The following TACR1 variants were observed in gnomAD, a reference collection of about 807,000 sequenced individuals.
The protein encoded by TACR1 is tachykinin receptor 1.
Under a neutral mutation model 35.8 loss-of-function variants are expected in TACR1, and 25 were observed. That is an observed-to-expected ratio of 0.70 (90% CI 0.51 to 0.98). The LOEUF is 0.98. Among genes scored for constraint, TACR1 ranks in the 50% least tolerant of loss-of-function variants. The pLI, the probability that TACR1 is intolerant of heterozygous loss-of-function variation, is 0.00. For synonymous variants in TACR1, 195 were observed against 206.7 expected, an observed-to-expected ratio of 0.94 and a Z score of 0.48; for missense variants, 478 against 522.9, an observed-to-expected ratio of 0.91 and a Z score of 0.84.
At chr2:75,168,775 A>G (rs1340451831) in intron 1 of TACR1, among the ~76,000 whole-genome samples, 1 of 152,224 alleles carries the variant, frequency 6.6e-6, no homozygotes, top group African/African-American at 2.4e-5. Flanking sequence ...TTAAGAACCT[A>G]TTTAGTTACA....
intron 1 of TACR1, among the ~76,000 whole-genome samples, chr2:75,122,992 G>C (rs1300203468): frequency 6.6e-6 from 1 of 152,096 alleles, no homozygotes. Flanking sequence ...CATGGGGTGC[G>C]GTGGGTGGGG....
intron 2 of TACR1, among the ~76,000 whole-genome samples, chr2:75,081,079 G>A (rs1228838490): frequency 6.6e-6 from 1 of 152,160 alleles, no homozygotes; most frequent in Non-Finnish European, 1.5e-5. Flanking sequence ...AAATGGGCAT[G>A]CCAATCAATG....
chr2:75,094,935 A>G (rs924344950), intron 2 of TACR1, among the ~76,000 whole-genome samples: 16 of 150,326 alleles, frequency 1.1e-4, no homozygotes, highest in Admixed American at 8.6e-4. Context: ...AGCAATGATG[A>G]GGAATTCACT....
At chr2:75,068,709 C>T (rs1672817134) in intron 2 of TACR1, among the ~76,000 whole-genome samples, 1 of 152,160 alleles carries the variant, frequency 6.6e-6, no homozygotes, top group Admixed American at 6.5e-5. Flanking sequence ...TTACAGACTT[C>T]CCTTAGCATA....
chr2:75,100,492 T>A (rs2103870779), intron 2 of TACR1, among the ~76,000 whole-genome samples: 1 of 152,342 alleles, frequency 6.6e-6, no homozygotes, highest in East Asian at 1.9e-4. Context: ...GACTAACTCA[T>A]ATCTAACCTC....
At chr2:75,069,256 A>G (rs886758975) in intron 2 of TACR1, among the ~76,000 whole-genome samples, 3 of 152,134 alleles carry the variant, frequency 2.0e-5, no homozygotes, top group African/African-American at 7.2e-5. Flanking sequence ...AGTCTTGGGT[A>G]TGTCTTTATT....
chr2:75,099,222 T>C (rs1346876771), intron 2 of TACR1, among the ~76,000 whole-genome samples: 2 of 152,190 alleles, frequency 1.3e-5, no homozygotes, highest in African/African-American at 4.8e-5. Flanking sequence ...CCCAGCACTC[T>C]GGCATCTCAG....
chr2:75,174,863 A>G (rs185777850), intron 1 of TACR1, among the ~76,000 whole-genome samples: 164 of 152,304 alleles, frequency 1.1e-3, no homozygotes, highest in Non-Finnish European at 2.1e-3. Flanking sequence ...GATGACTTCT[A>G]TTACCAAAGA....
chr2:75,125,252 C>T lies in TACR1; in HGVS notation c.390-4484G>A, dbSNP rs1198414946. Among the ~76,000 whole-genome samples, 3 of 151,794 alleles carry T rather than the reference C, an allele frequency of 2.0e-5. No homozygotes were observed. In the South Asian group the frequency reaches 6.2e-4, roughly 32 times the overall value. On this transcript the variant is annotated intron_variant, in intron 1 of 4. Transcript: ENST00000305249. ...AGACTGGAGTGCAGTGGTATGATCT[C>T]GGCTCACTGCAGCCTCTGCCTCCCG...
At chr2:75,116,915 A>T (rs927072453) in intron 2 of TACR1, among the ~76,000 whole-genome samples, 1 of 152,234 alleles carries the variant, frequency 6.6e-6, no homozygotes, top group Non-Finnish European at 1.5e-5. Flanking sequence ...CGTCTCAAAA[A>T]AAAAAAAGTA....
intron 1 of TACR1, among the ~76,000 whole-genome samples, chr2:75,129,566 C>A (rs770297432): frequency 6.6e-6 from 1 of 152,128 alleles, no homozygotes. Context: ...CATTACACAT[C>A]GTATAGATGT....
intron 2 of TACR1, among the ~76,000 whole-genome samples, chr2:75,097,758 T>C (rs1211115552): frequency 6.6e-6 from 1 of 152,210 alleles, no homozygotes; most frequent in African/African-American, 2.4e-5. Flanking sequence ...AGCTGAAATG[T>C]GAACAAGTGA....
intron 1 of TACR1, among the ~76,000 whole-genome samples, chr2:75,185,279 A>C (rs1411576457): frequency 6.6e-6 from 1 of 152,064 alleles, no homozygotes; most frequent in African/African-American, 2.4e-5. Context: ...AAGTACAGTA[A>C]ATGAAATTAT....
intron 1 of TACR1, among the ~76,000 whole-genome samples, chr2:75,190,877 A>G (rs1004352594): frequency 2.6e-5 from 4 of 152,224 alleles, no homozygotes; most frequent in Admixed American, 1.3e-4. Flanking sequence ...AAGGCACTCA[A>G]CAGGGAATCC....
intron 1 of TACR1, among the ~76,000 whole-genome samples, chr2:75,126,129 G>A (rs1268683926): frequency 1.3e-5 from 2 of 152,018 alleles, no homozygotes; most frequent in Admixed American, 1.3e-4. Flanking sequence ...GTGTTCATCA[G>A]TTCTCATCAT....
At chr2:75,071,133 A>G (rs1181838274) in intron 2 of TACR1, among the ~76,000 whole-genome samples, 2 of 152,208 alleles carry the variant, frequency 1.3e-5, no homozygotes. Context: ...GCTGTGGAAG[A>G]GACTGTAGGA....
Position 75,058,303 on chromosome 2 carries a change from T to C in TACR1, c.585-4548A>G, listed in dbSNP as rs184896370. 2.1e-3 allele frequency among the ~76,000 whole-genome samples: 323 copies of C among 152,362 alleles called. 1 individual carries two copies. The highest frequency in any genetic ancestry group is 3.5e-3 in the Non-Finnish European group (235 of 68,034). On this transcript the variant is annotated intron_variant, in intron 2 of 4. Coordinates refer to ENST00000305249, the MANE Select transcript of TACR1 (RefSeq NM_001058.4). ...TCTTGTAGTTAACTGGAGATATGTC[T>C]ATTTATATGTATATATTTGTTAAAA...
rs1427116477 is a variant in TACR1 at position 75,091,167 on chromosome 2, C to G, written c.584+29407G>C. ...TTATAGTGCTTCACAGAACTCCTTC[C>G]TGCAGTCCTCAATTTCTTATGGGCT... On this transcript the variant is annotated intron_variant, in intron 2 of 4. Transcript: ENST00000305249. Among the ~76,000 whole-genome samples, 3 of 144,150 alleles carry G rather than the reference C, an allele frequency of 2.1e-5. No individual in the cohort carries two copies. The Admixed American group carries it at 2.2e-4, about 11-fold the overall frequency. The allele number at this position is 144,150 out of a possible 152,430, so 94.6% of individuals were successfully genotyped here.
intron 1 of TACR1, among the ~76,000 whole-genome samples, chr2:75,163,975 A>G (rs1203113664): frequency 6.6e-6 from 1 of 152,020 alleles, no homozygotes; most frequent in Non-Finnish European, 1.5e-5. Context: ...GAAAAAAAAA[A>G]TCTCCTAAAA....
Sources: gnomAD v4.1 joint callset for allele counts (sites outside exome capture counted in the v4.1 genomes callset) on GRCh38, gnomAD v4.1.1 for gene constraint, MANE v1.5 for transcripts, NCBI Gene and HGNC (gene_info 2026-07-23, HGNC 2026-07-21) for gene names.